Variants in KCNK13 observed in about 807,000 individuals in gnomAD.
The protein encoded by KCNK13 is potassium channel subfamily K member 13.
Under a neutral mutation model 23.4 loss-of-function variants are expected in KCNK13, and 12 were observed. The observed-to-expected ratio is 0.51, with a 90% CI of 0.33 to 0.83. The LOEUF (loss-of-function observed/expected upper bound fraction) is 0.83. Among genes scored for constraint, KCNK13 ranks in the 40% least tolerant of loss-of-function variants. The pLI, the probability that KCNK13 is intolerant of heterozygous loss-of-function variation, is 0.02. For missense variants in KCNK13, 463 were observed against 556.3 expected, an observed-to-expected ratio of 0.83 and a Z score of 1.69; for synonymous variants, 231 against 229.5, an observed-to-expected ratio of 1.01 and a Z score of -0.06.
At chr14:90,143,336 G>A (rs911274856) in intron 1 of KCNK13, among the ~76,000 whole-genome samples, 7 of 151,242 alleles carry the variant, frequency 4.6e-5, no homozygotes, top group African/African-American at 1.7e-4. Context: ...GCCTCCCAAA[G>A]TGCTGGGATT....
At position 90,110,661 on chromosome 14, in the gene KCNK13, T is replaced by G. The variant is rs565792229; in HGVS notation, c.334+48122T>G. Among the ~76,000 whole-genome samples, 4 of 152,100 alleles carry G rather than the reference T, an allele frequency of 2.6e-5. No individual in the cohort carries two copies. In the East Asian group the frequency reaches 7.8e-4, roughly 30 times the overall value. On this transcript the variant is annotated intron_variant, in intron 1 of 1. Coordinates refer to ENST00000282146, the MANE Select transcript of KCNK13 (RefSeq NM_022054.4). ...GGATTCAGGGCATGTCTTTCTAAAG[T>G]GGCATGTCTTTGAGAACCACATACT...
chr14:90,079,022 A>C (rs1889176211), intron 1 of KCNK13, among the ~76,000 whole-genome samples: 1 of 152,238 alleles, frequency 6.6e-6, no homozygotes, highest in Admixed American at 6.5e-5. Context: ...TCTGCCCTGC[A>C]GGTACTGCAT....
chr14:90,178,922 A>G (rs1016984990), intron 1 of KCNK13, among the ~76,000 whole-genome samples: 4 of 152,206 alleles, frequency 2.6e-5, no homozygotes, highest in Non-Finnish European at 5.9e-5. Context: ...TTGTTAATGA[A>G]TGAAAGAGGC....
chr14:90,135,132 C>G (rs911934729), intron 1 of KCNK13, among the ~76,000 whole-genome samples: 1 of 152,192 alleles, frequency 6.6e-6, no homozygotes, highest in African/African-American at 2.4e-5. Context: ...CACTGCTGAC[C>G]CAGGTCTTCT....
intron 1 of KCNK13, among the ~76,000 whole-genome samples, chr14:90,088,848 C>T (rs954569041): frequency 7.9e-5 from 12 of 152,100 alleles, no homozygotes; most frequent in African/African-American, 2.7e-4. Flanking sequence ...GAATGAGTCT[C>T]ATGAGATCTG....
At chr14:90,163,005 G>A (rs1246293855) in intron 1 of KCNK13, among the ~76,000 whole-genome samples, 1 of 152,106 alleles carries the variant, frequency 6.6e-6, no homozygotes, top group Non-Finnish European at 1.5e-5. Flanking sequence ...AATACAAAAG[G>A]CCAGTAAACA....
intron 1 of KCNK13, among the ~76,000 whole-genome samples, chr14:90,168,815 T>C (rs1890333277): frequency 6.6e-6 from 1 of 152,242 alleles, no homozygotes; most frequent in Non-Finnish European, 1.5e-5. Flanking sequence ...CCTTGAATTG[T>C]AATAATCCCC....
intron 1 of KCNK13, among the ~76,000 whole-genome samples, chr14:90,158,956 C>T (rs1364570760): frequency 1.3e-5 from 2 of 152,232 alleles, no homozygotes. Context: ...AACCCCTCAA[C>T]CATCATACTG....
At chr14:90,128,989 G>A (rs1372988606) in intron 1 of KCNK13, among the ~76,000 whole-genome samples, 1 of 151,900 alleles carries the variant, frequency 6.6e-6, no homozygotes, top group Non-Finnish European at 1.5e-5. Context: ...CCCTGAACTG[G>A]GTAATTATCA....
At chr14:90,114,206 C>T (rs138751636) in intron 1 of KCNK13, among the ~76,000 whole-genome samples, 7 of 152,294 alleles carry the variant, frequency 4.6e-5, no homozygotes, top group African/African-American at 1.7e-4. Flanking sequence ...TGCTGCCCTT[C>T]GTGGACTTGT....
intron 1 of KCNK13, among the ~76,000 whole-genome samples, chr14:90,093,573 G>C (rs1431975726): frequency 6.6e-6 from 1 of 152,136 alleles, no homozygotes; most frequent in Non-Finnish European, 1.5e-5. Flanking sequence ...GTCCTCCCCA[G>C]CGTGCCCAGC....
intron 1 of KCNK13, among the ~76,000 whole-genome samples, chr14:90,124,608 T>C (rs188073842): frequency 2.6e-5 from 4 of 152,330 alleles, no homozygotes; most frequent in Non-Finnish European, 4.4e-5. Context: ...ACCTCGGTCC[T>C]GCAACCACAA....
In KCNK13 at chr14:90,066,560, C is replaced by T. The variant is rs1231142966; in HGVS notation, c.334+4021C>T. On this transcript the variant is annotated intron_variant, in intron 1 of 1. Transcript: ENST00000282146. ...GAGATTACAGGTGTGAGCCACTGCA[C>T]CTGGCCCCAGTACCTAATTCTCAAA... Among the ~76,000 whole-genome samples, 5 of 152,182 alleles carry T rather than the reference C, an allele frequency of 3.3e-5. No homozygotes were observed. The East Asian group carries it at 9.6e-4, about 29-fold the overall frequency.
intron 1 of KCNK13, among the ~76,000 whole-genome samples, chr14:90,168,217 T>C (rs1278687181): frequency 6.6e-6 from 1 of 152,020 alleles, no homozygotes; most frequent in Non-Finnish European, 1.5e-5. Context: ...CTATAAAAGA[T>C]ACAAAAATTA....
At chr14:90,129,336 A>G (rs1431797634) in intron 1 of KCNK13, among the ~76,000 whole-genome samples, 1 of 152,158 alleles carries the variant, frequency 6.6e-6, no homozygotes, top group East Asian at 1.9e-4. Context: ...GATGTCTCCT[A>G]GAGGCACATG....
chr14:90,064,346 G>A (rs1464673265), intron 1 of KCNK13, among the ~76,000 whole-genome samples: 1 of 150,780 alleles, frequency 6.6e-6, no homozygotes, highest in Non-Finnish European at 1.5e-5. Flanking sequence ...CTCCCAGTGG[G>A]CACAGAGGCA....
chr14:90,130,179 C>CATTCATTTATTT (rs1889850314), intron 1 of KCNK13, among the ~76,000 whole-genome samples: 1 of 142,056 alleles, frequency 7.0e-6, no homozygotes, highest in African/African-American at 2.6e-5. Context: ...TGGAGAAGGA[C>CATTCATTTATTT]ATTTATTTAT....
chr14:90,088,235 A>G (rs779008999), intron 1 of KCNK13, among the ~76,000 whole-genome samples: 1 of 152,118 alleles, frequency 6.6e-6, no homozygotes, highest in Non-Finnish European at 1.5e-5. Context: ...GCTTAAGTTT[A>G]AATTAGAAAT....
chr14:90,066,553 C>T (rs1204319586), intron 1 of KCNK13, among the ~76,000 whole-genome samples: 1 of 152,154 alleles, frequency 6.6e-6, no homozygotes, highest in Non-Finnish European at 1.5e-5. Context: ...AGGTGTGAGC[C>T]ACTGCACCTG....
Sources: gnomAD v4.1 joint callset for allele counts (sites outside exome capture counted in the v4.1 genomes callset) on GRCh38, gnomAD v4.1.1 for gene constraint, MANE v1.5 for transcripts, NCBI Gene and HGNC (gene_info 2026-07-23, HGNC 2026-07-21) for gene names.